Variants in WNK1 observed in about 807,000 individuals in gnomAD.
The protein encoded by WNK1 is WNK lysine deficient protein kinase 1.
Under a neutral mutation model 222.8 loss-of-function variants are expected in WNK1, and 38 were observed. The observed-to-expected ratio is 0.17, with a 90% CI of 0.13 to 0.22. The LOEUF (loss-of-function observed/expected upper bound fraction) is 0.22, where lower values mean the gene tolerates loss of function less well. WNK1 is among the 10% of genes least tolerant of loss of function. The probability of loss-of-function intolerance (pLI) is 1.00; values close to 1 mark genes in which losing one functional copy is unlikely to be tolerated. For missense variants in WNK1, 2,348 were observed against 2,918.4 expected (o/e 0.80, Z 4.50); for synonymous variants, 1,090 against 1,092.9 (o/e 1.00, Z 0.05).
At chr12:810,001 C>T (rs1946758723) in intron 1 of WNK1, among the ~76,000 whole-genome samples, 1 of 152,106 alleles carries the variant, frequency 6.6e-6, no homozygotes, top group Non-Finnish European at 1.5e-5. Flanking sequence ...TCTGTAATCC[C>T]AGCACTTTGG....
chr12:893,867 T>C (rs1954507802), intron 22 of WNK1, among the ~76,000 whole-genome samples: 1 of 111,530 alleles, frequency 9.0e-6, no homozygotes, highest in Non-Finnish European at 2.0e-5. Context: ...TGTACTATCC[T>C]ATTCTAGAAT....
chr12:886,150 T>C (rs575077942), intron 19 of WNK1, 66 bp downstream of exon 19: 1 of 1,359,886 alleles, frequency 7.4e-7, no homozygotes, highest in Admixed American at 2.3e-5. Context: ...AATGAGTACA[T>C]TTTTCACTTC....
chr12:812,519 AAGAGGC>A (rs1206611104), intron 1 of WNK1, among the ~76,000 whole-genome samples: 1 of 152,200 alleles, frequency 6.6e-6, no homozygotes, highest in Non-Finnish European at 1.5e-5. Context: ...AGTGTTATGT[AAGAGGC>A]ATGTACATAG....
intron 20 of WNK1, among the ~76,000 whole-genome samples, chr12:888,070 T>C (rs754834639): frequency 6.6e-6 from 1 of 152,232 alleles, no homozygotes; most frequent in Non-Finnish European, 1.5e-5. Context: ...TGTGAATCTG[T>C]TGTGACCAGG....
rs200731955 is a variant in WNK1 at position 827,279 on chromosome 12, C to T, written c.1153+17C>T. ...GTGTGATAGGTATGTTTCAGGTGTACCTTGGAGCCTGACTGGCTTTCTCAC... is the reference window on the plus strand; with the variant it reads ...GTGTGATAGGTATGTTTCAGGTGTATCTTGGAGCCTGACTGGCTTTCTCAC... On this transcript the variant is annotated intron_variant, in intron 3 of 27. Transcript: ENST00000315939. This position sits in a 1 kb window ranked among gnomAD's most constrained non-coding sequence, Gnocchi z 4.6. 1.2e-6 allele frequency: 2 copies of T among 1,602,112 alleles called. No individual in the cohort carries two copies. Among genetic ancestry groups the T allele is most frequent in the East Asian group, 2.2e-5 (1 of 44,832 alleles).
rs369789815 is a variant in WNK1 at position 771,257 on chromosome 12, A to G, written c.759+16933A>G. On this transcript the variant is annotated intron_variant, in intron 1 of 27. Coordinates refer to ENST00000315939, the MANE Select transcript of WNK1 (RefSeq NM_018979.4). The stretch of plus-strand genomic sequence containing the variant: ...CGTGATCCGCCCGCCTCTGCCTCCC[A>G]AAGTGCTGGGATGACAGGTGTGAGC... 2.0e-3 allele frequency among the ~76,000 whole-genome samples: 310 copies of G among 152,136 alleles called. 1 individual carries two copies. The highest frequency in any genetic ancestry group is 6.9e-3 in the African/African-American group (285 of 41,506).
chr12:907,614 A>AT, intron 26 of WNK1: 1 of 580,760 alleles, frequency 1.7e-6, no homozygotes, highest in Non-Finnish European at 3.1e-6. Flanking sequence ...ACCTACCGTC[A>AT]TCCTGAGTTG....
intron 1 of WNK1, among the ~76,000 whole-genome samples, chr12:771,889 A>G (rs555449525): frequency 5.9e-5 from 9 of 152,206 alleles, no homozygotes; most frequent in East Asian, 3.9e-4. Context: ...GCTTCAAGCA[A>G]TCCTCCTGTT....
intron 1 of WNK1, among the ~76,000 whole-genome samples, chr12:771,140 G>A (rs893267867): frequency 2.0e-5 from 3 of 152,030 alleles, no homozygotes; most frequent in Non-Finnish European, 2.9e-5. Flanking sequence ...TGGGACTACA[G>A]GTGCATGCCA....
chr12:885,974 C>A lies in WNK1; in HGVS notation c.5170C>A (p.Pro1724Thr). 1.3e-6 allele frequency: 2 copies of A among 1,589,110 alleles called. No homozygotes were observed. Among genetic ancestry groups the A allele is most frequent in the South Asian group, 1.2e-5 (1 of 86,290 alleles). Reference sequence around the variant, plus strand: ...TTTACCACTAGGAACAGTTGCTTTGCCAGTTACACCAGTGGTCACACCTGG... The same window carrying A: ...TTTACCACTAGGAACAGTTGCTTTGACAGTTACACCAGTGGTCACACCTGG... ...TNLPLGTVALPVTPVVTPGQV... is the reference protein window; with the variant it reads ...TNLPLGTVALTVTPVVTPGQV... The change falls in exon 19 of 28, where the codon CCA becomes ACA. Residue 1724 changes from proline (P) to threonine (T), a missense_variant. By Grantham distance (38) the Pro-to-Thr change is conservative (BLOSUM62 -1). Coordinates refer to ENST00000315939, the MANE Select transcript of WNK1 (RefSeq NM_018979.4).
chr12:860,919 T>C, intron 6 of WNK1, 94 bp from the exon 7 acceptor site: 2 of 1,256,404 alleles, frequency 1.6e-6, no homozygotes, highest in Non-Finnish European at 2.3e-6. Flanking sequence ...CTACTTTTTT[T>C]ACAATGCCTT....
At chr12:891,512 A>G (rs1477760814) in intron 22 of WNK1, among the ~76,000 whole-genome samples, 5 of 152,182 alleles carry the variant, frequency 3.3e-5, no homozygotes, top group South Asian at 2.1e-4. Context: ...GTGGATCACT[A>G]GCCTAGACAT....
At chr12:756,407 C>T (rs780321069) in intron 1 of WNK1, among the ~76,000 whole-genome samples, 8 of 152,140 alleles carry the variant, frequency 5.3e-5, no homozygotes, top group East Asian at 3.8e-4. Flanking sequence ...TCTTAGAACT[C>T]GTAACTTTTT....
At chr12:834,929 T>C (rs189636474) in intron 4 of WNK1, among the ~76,000 whole-genome samples, 1 of 152,336 alleles carries the variant, frequency 6.6e-6, no homozygotes, top group Admixed American at 6.5e-5. Context: ...TAAACACTAT[T>C]ATGTAAACAA....
At chr12:806,142 T>C (rs1369687381) in intron 1 of WNK1, among the ~76,000 whole-genome samples, 2 of 152,184 alleles carry the variant, frequency 1.3e-5, no homozygotes, top group African/African-American at 4.8e-5. Flanking sequence ...ACACTTACAA[T>C]ATGTCGAGCC....
At chr12:836,088 G>A (rs1257007687) in intron 4 of WNK1, among the ~76,000 whole-genome samples, 1 of 152,164 alleles carries the variant, frequency 6.6e-6, no homozygotes, top group Non-Finnish European at 1.5e-5. Context: ...TGCCCGAAAT[G>A]TATGACTAGG....
At chr12:871,216 A>G in intron 8 of WNK1, 49 bp from the exon 9 acceptor site, 2 of 1,553,226 alleles carry the variant, frequency 1.3e-6, no homozygotes, top group Non-Finnish European at 1.8e-6. Context: ...ACCTCTATAC[A>G]CTTACTTTAG....
chr12:877,871 A>G, intron 9 of WNK1: 1 of 336,016 alleles, frequency 3.0e-6, no homozygotes, highest in Non-Finnish European at 5.7e-6. Context: ...GATAGGGAAA[A>G]GGGAATGGCA....
chr12:815,805 TGAG>T (rs1947293991), intron 2 of WNK1, among the ~76,000 whole-genome samples: 1 of 152,238 alleles, frequency 6.6e-6, no homozygotes, highest in African/African-American at 2.4e-5. Context: ...AAAACTATAT[TGAG>T]GAGCTTTGGG....
Sources: gnomAD v4.1 joint callset for allele counts (sites outside exome capture counted in the v4.1 genomes callset) on GRCh38, gnomAD v4.1.1 for gene constraint, Gnocchi (gnomAD v3.1) non-coding constraint, MANE v1.5 for transcripts, NCBI Gene and HGNC (gene_info 2026-07-23, HGNC 2026-07-21) for gene names.